The following SEMA5B variants were observed in gnomAD, a reference collection of about 807,000 sequenced individuals.
SEMA5B encodes the protein semaphorin-5B.
In SEMA5B, 66 loss-of-function variants were observed where a neutral mutation model predicts 135.0. The observed-to-expected ratio is 0.49, with a 90% CI of 0.40 to 0.60. The LOEUF (loss-of-function observed/expected upper bound fraction) is 0.60, where lower values mean the gene tolerates loss of function less well. Ranked by LOEUF, SEMA5B falls within the 20% of genes least tolerant of loss-of-function variation. The pLI, the probability that SEMA5B is intolerant of heterozygous loss-of-function variation, is 0.00. For missense variants in SEMA5B, 1,501 were observed against 1,566.3 expected (o/e 0.96, Z 0.70); for synonymous variants, 690 against 639.5 (o/e 1.08, Z -1.19).
chr3:122,968,842 A>G (rs774106537), intron 1 of SEMA5B, among the ~76,000 whole-genome samples: 2 of 152,088 alleles, frequency 1.3e-5, no homozygotes, highest in African/African-American at 2.4e-5. Context: ...GTCCTAATAA[A>G]GGCTATGGGC....
intron 1 of SEMA5B, among the ~76,000 whole-genome samples, chr3:123,021,938 C>T (rs1273572247): frequency 6.6e-6 from 1 of 151,882 alleles, no homozygotes; most frequent in Non-Finnish European, 1.5e-5. Flanking sequence ...GACTGGCAGT[C>T]GGTCAGATGG....
chr3:122,963,381 T>C (rs1940674554), intron 1 of SEMA5B, among the ~76,000 whole-genome samples: 1 of 151,532 alleles, frequency 6.6e-6, no homozygotes, highest in South Asian at 2.1e-4. Context: ...TATTCCCAGC[T>C]ACTTGGGAGG....
chr3:122,976,075 T>C (rs1560397024), intron 1 of SEMA5B: 2 of 1,535,250 alleles, frequency 1.3e-6, no homozygotes, highest in Non-Finnish European at 1.7e-6. Flanking sequence ...ATGAAGCTCC[T>C]TCTGACCCTC....
At chr3:122,983,797 T>G (rs1415861453) in intron 1 of SEMA5B, among the ~76,000 whole-genome samples, 1 of 133,392 alleles carries the variant, frequency 7.5e-6, no homozygotes, top group Non-Finnish European at 1.6e-5. Flanking sequence ...AATTTAAGAG[T>G]CGGGCAGGAC....
At chr3:122,917,245 C>T (rs1173735630) in intron 12 of SEMA5B, among the ~76,000 whole-genome samples, 2 of 152,174 alleles carry the variant, frequency 1.3e-5, no homozygotes, top group Admixed American at 6.5e-5. Flanking sequence ...GGAGAGAGCA[C>T]TAAGCATGGG....
intron 1 of SEMA5B, chr3:122,976,266 C>G (rs1941317567): frequency 3.8e-6 from 4 of 1,066,308 alleles, no homozygotes; most frequent in Non-Finnish European, 1.3e-6. Flanking sequence ...AGGCCTCACC[C>G]CAGACCTACT....
In SEMA5B at chr3:122,910,854, G is replaced by A. The variant is rs189385964; in HGVS notation, c.3283C>T (p.Pro1095Ser). Residue 1095 changes from proline to serine, a missense_variant, in exon 22 of 23, where the codon CCC (proline) becomes TCC (serine). Physicochemically the swap from Pro to Ser is moderately conservative, Grantham distance 74. This residue lies in a region of SEMA5B where 927 missense variants were observed against 881.6 expected (regional missense o/e 1.05). Transcript: ENST00000357599. ...GGTPKNEKYTPMEFKTLNKNN... is the reference protein window; with the variant it reads ...GGTPKNEKYTSMEFKTLNKNN... ...AAGGCTCCCACCTTGAATTCCATGG[G>A]TGTGTACTTTTCATTCTTCGGGGTG... is the stretch of plus-strand genomic sequence containing the variant. 410 of 1,611,708 alleles carry A rather than the reference G, an allele frequency of 2.5e-4. 2 individuals are homozygous for A. In the East Asian group the frequency reaches 7.9e-3, roughly 31 times the overall value.
chr3:123,014,437 G>T (rs540997950), intron 1 of SEMA5B, among the ~76,000 whole-genome samples: 1 of 152,222 alleles, frequency 6.6e-6, no homozygotes, highest in Admixed American at 6.5e-5. Context: ...TGAAACATCC[G>T]ACAAGCTCTT....
chr3:122,942,540 A>G (rs1419397834), intron 4 of SEMA5B, among the ~76,000 whole-genome samples: 2 of 152,196 alleles, frequency 1.3e-5, no homozygotes, highest in African/African-American at 4.8e-5. Context: ...TGGGTTAAGG[A>G]GACCTGGCTG....
chr3:122,922,337 C>T lies in SEMA5B; in HGVS notation c.1383G>A (p.Glu461=), dbSNP rs1185224920. The T allele has an allele frequency of 3.7e-6, 6 of 1,613,722 alleles. No individual in the cohort carries two copies. The highest frequency in any genetic ancestry group is 1.3e-5 in the African/African-American group (1 of 74,934). ...GCACGCTGTCCTGGGTGACACAGGG[C>T]TCGGGTGTCACCGGCTGCACGGCCT... ...MSEAVQPVTP[E]PCVTQDSVRF... Residue 461 remains glutamate, a synonymous_variant, in exon 11 of 23, where the codon GAG becomes GAA. Transcript: ENST00000357599.
At chr3:122,912,135 A>G in intron 19 of SEMA5B, 37 bp downstream of exon 19, 1 of 1,582,988 alleles carries the variant, frequency 6.3e-7, no homozygotes, top group Non-Finnish European at 8.6e-7. Flanking sequence ...AGAGGGCTCC[A>G]TGTCGCTTCC....
intron 1 of SEMA5B, among the ~76,000 whole-genome samples, chr3:122,981,300 C>A (rs898153847): frequency 2.0e-4 from 30 of 152,340 alleles, no homozygotes; most frequent in Middle Eastern, 3.4e-3. Context: ...GGCCCCTGTG[C>A]CACAGGTGAT....
At chr3:122,969,887 T>C (rs1941038355) in intron 1 of SEMA5B, among the ~76,000 whole-genome samples, 1 of 152,160 alleles carries the variant, frequency 6.6e-6, no homozygotes, top group South Asian at 2.1e-4. Context: ...TGGGTGTGTG[T>C]TATGTGCTGG....
At chr3:122,989,296 T>A (rs1576394179) in intron 1 of SEMA5B, among the ~76,000 whole-genome samples, 1 of 152,238 alleles carries the variant, frequency 6.6e-6, no homozygotes, top group South Asian at 2.1e-4. Flanking sequence ...TGCTGGTGGG[T>A]CAAGGAGGGC....
chr3:122,979,172 G>C (rs145844542), intron 1 of SEMA5B, among the ~76,000 whole-genome samples: 154 of 152,350 alleles, frequency 1.0e-3, no homozygotes, highest in African/African-American at 3.5e-3. Flanking sequence ...GGTTATAACT[G>C]AGAGAGGATG....
chr3:122,961,963 T>C (rs1372978589), intron 1 of SEMA5B, among the ~76,000 whole-genome samples: 2 of 152,190 alleles, frequency 1.3e-5, no homozygotes, highest in Non-Finnish European at 2.9e-5. Flanking sequence ...CTAGCCACAT[T>C]GCAATCTCTA....
chr3:122,961,349 G>A, intron 1 of SEMA5B, 48 bp from the exon 2 acceptor site: 1 of 1,560,748 alleles, frequency 6.4e-7, no homozygotes, highest in Non-Finnish European at 8.7e-7. Flanking sequence ...GATGAACCAG[G>A]CAAAAGAGAT....
rs1560300896 is a variant in SEMA5B at position 122,923,629 on chromosome 3, G to A, written c.1260C>T (p.Ile420=). The change falls in exon 10 of 23, where the codon ATC becomes ATT. Residue 420 remains isoleucine, a synonymous_variant. Coordinates refer to ENST00000357599, the MANE Select transcript of SEMA5B (RefSeq NM_001031702.4). ...RAAWLPIANP[I]PNFQCGTLPE... is the part of the protein sequence containing the mutation. Reference sequence around the variant, plus strand: ...GGAGATTCTGTACCTGGAAATTGGGGATGGGGTTGGCTATGGGGAGCCAGG... The same window carrying A: ...GGAGATTCTGTACCTGGAAATTGGGAATGGGGTTGGCTATGGGGAGCCAGG... 6.2e-7 allele frequency: 1 copy of A among 1,614,140 alleles called. No individual in the cohort carries two copies. The highest frequency in any genetic ancestry group is 1.1e-5 in the South Asian group (1 of 91,086).
chr3:122,992,203 C>T (rs1002924697), intron 1 of SEMA5B, among the ~76,000 whole-genome samples: 4 of 152,162 alleles, frequency 2.6e-5, no homozygotes. Flanking sequence ...AAAGAGTTCC[C>T]GTGCCCTTTC....
Sources: gnomAD v4.1 joint callset for allele counts (sites outside exome capture counted in the v4.1 genomes callset) on GRCh38, gnomAD v4.1.1 for gene constraint, gnomAD v4.1.1 regional missense constraint, MANE v1.5 for transcripts, NCBI Gene and HGNC (gene_info 2026-07-23, HGNC 2026-07-21) for gene names.